ARHGAP25: variants seen among roughly 807,000 people sequenced by gnomAD.
ARHGAP25 encodes the protein Rho GTPase activating protein 25.
A neutral mutation model predicts 71.0 loss-of-function variants in ARHGAP25; 34 were observed. The ratio of observed to expected loss-of-function variants is 0.48; its 90% CI spans 0.36 to 0.64. The LOEUF (loss-of-function observed/expected upper bound fraction) is 0.64. ARHGAP25 is among the 30% of genes least tolerant of loss of function. ARHGAP25 has a pLI of 0.00. For missense variants in ARHGAP25, 706 were observed against 805.1 expected (o/e 0.88, Z 1.49); for synonymous variants, 282 against 296.5 (o/e 0.95, Z 0.50).
chr2:68,760,190 A>G (rs1036231788), intron 1 of ARHGAP25, among the ~76,000 whole-genome samples: 2 of 152,016 alleles, frequency 1.3e-5, no homozygotes, highest in Non-Finnish European at 2.9e-5. Context: ...ATCTACCTCA[A>G]TGTAATAAAA....
chr2:68,711,706 C>T (rs1298871771), intron 2 of ARHGAP25, among the ~76,000 whole-genome samples: 1 of 93,378 alleles, frequency 1.1e-5, no homozygotes, highest in Non-Finnish European at 2.0e-5. Context: ...GTGTGATGTT[C>T]CCCTCCCTGT....
chr2:68,822,948 A>G (rs986188221), intron 10 of ARHGAP25, 76 bp downstream of exon 10: 4 of 1,431,380 alleles, frequency 2.8e-6, no homozygotes, highest in African/African-American at 1.4e-5. Flanking sequence ...CCCATCCGCC[A>G]GAGAAGTCAC....
At chr2:68,768,827 T>A (rs1677293920) in intron 1 of ARHGAP25, among the ~76,000 whole-genome samples, 1 of 152,228 alleles carries the variant, frequency 6.6e-6, no homozygotes, top group Non-Finnish European at 1.5e-5. Context: ...AGAACTGGAC[T>A]CACCTGCCTG....
chr2:68,724,622 G>A (rs71413155), intron 2 of ARHGAP25, among the ~76,000 whole-genome samples: 4,912 of 152,282 alleles, frequency 0.032, 117 homozygotes, highest in East Asian at 0.11. Context: ...ATGGACCTCT[G>A]CCCTAAACAC....
chr2:68,752,884 G>GAGAA (rs1265249124), intron 1 of ARHGAP25, among the ~76,000 whole-genome samples: 4 of 152,190 alleles, frequency 2.6e-5, no homozygotes, highest in African/African-American at 9.6e-5. Flanking sequence ...GAGAGAGAGA[G>GAGAA]AGAAAGAGAG....
intron 2 of ARHGAP25, among the ~76,000 whole-genome samples, chr2:68,711,178 T>G (rs1185970898): frequency 1.3e-5 from 2 of 152,262 alleles, no homozygotes; most frequent in African/African-American, 4.8e-5. Flanking sequence ...TGCATTCAGC[T>G]GCTTTCTCTT....
chr2:68,748,788 C>T (rs546716492), intron 1 of ARHGAP25, among the ~76,000 whole-genome samples: 13 of 152,244 alleles, frequency 8.5e-5, no homozygotes, highest in Admixed American at 2.0e-4. Flanking sequence ...TCCCTGAGGG[C>T]GGTCAGGTCT....
intron 9 of ARHGAP25, among the ~76,000 whole-genome samples, chr2:68,821,935 G>T (rs1681713142): frequency 1.0e-5 from 1 of 95,310 alleles, no homozygotes; most frequent in Non-Finnish European, 2.1e-5. Context: ...TTTTGGTTTG[G>T]CATGTGGTGA....
rs58459683 is a variant in ARHGAP25, at chr2:68,792,484, C to G, written c.466+4528C>G. Among the ~76,000 whole-genome samples the G allele has an allele frequency of 4.8e-3, 734 of 152,268 alleles. 7 individuals are homozygous for G. Among genetic ancestry groups the G allele is most frequent in the African/African-American group, 0.017 (705 of 41,550 alleles). ...TCTGTGTGTACACGTTACTTAGCTC[C>G]CACTTATAAGTCAGAACATGTGATA... is the stretch of plus-strand genomic sequence containing the variant. On this transcript the variant is annotated intron_variant, in intron 4 of 10. Transcript: ENST00000409202.
At chr2:68,736,681 T>C (rs905725382) in intron 1 of ARHGAP25, among the ~76,000 whole-genome samples, 4 of 152,156 alleles carry the variant, frequency 2.6e-5, no homozygotes, top group South Asian at 2.1e-4. Context: ...TGGGATTTGA[T>C]TGAGTGAATT....
chr2:68,777,809 C>A (rs959980902), intron 2 of ARHGAP25, among the ~76,000 whole-genome samples: 3 of 152,088 alleles, frequency 2.0e-5, no homozygotes, highest in African/African-American at 7.2e-5. Flanking sequence ...TGATATGTAT[C>A]ATTTGATTAT....
intron 1 of ARHGAP25, among the ~76,000 whole-genome samples, chr2:68,736,706 A>G (rs552682240): frequency 3.7e-4 from 56 of 152,164 alleles, no homozygotes; most frequent in Non-Finnish European, 6.9e-4. Flanking sequence ...GATTTTTACC[A>G]ATGTTTCTTA....
At chr2:68,820,615 T>G (rs548273181) in intron 9 of ARHGAP25, among the ~76,000 whole-genome samples, 43 of 152,348 alleles carry the variant, frequency 2.8e-4, no homozygotes, top group South Asian at 8.3e-4. Context: ...AGGTCTCATA[T>G]TCTCTCTCCT....
chr2:68,722,553 G>A (rs1215522230), intron 2 of ARHGAP25, among the ~76,000 whole-genome samples: 1 of 150,364 alleles, frequency 6.7e-6, no homozygotes, highest in Non-Finnish European at 1.5e-5. Flanking sequence ...ACTCCAGCTT[G>A]GATGACAGAG....
rs77218940 is a variant in ARHGAP25 at position 68,747,416 on chromosome 2, C to A, written c.61+12156C>A. The stretch of plus-strand genomic sequence containing the variant: ...TCAACATAGTGACAGCAAAGCATTA[C>A]ACCAAGTGCAGGGACCATCTAAGCA... On this transcript the variant is annotated intron_variant, in intron 1 of 10. Coordinates refer to ENST00000409202, the MANE Select transcript of ARHGAP25 (RefSeq NM_001007231.3). 5.1e-3 allele frequency among the ~76,000 whole-genome samples: 775 copies of A among 152,298 alleles called. 9 individuals carry two copies. Among genetic ancestry groups the A allele is most frequent in the African/African-American group, 0.018 (740 of 41,558 alleles).
At chr2:68,814,206 C>G (rs970634766) in intron 6 of ARHGAP25, among the ~76,000 whole-genome samples, 1 of 152,168 alleles carries the variant, frequency 6.6e-6, no homozygotes. Context: ...ATAATGAGAC[C>G]TAGATTTAAC....
chr2:68,768,554 A>G (rs1022830881), intron 1 of ARHGAP25, among the ~76,000 whole-genome samples: 2 of 152,192 alleles, frequency 1.3e-5, no homozygotes, highest in African/African-American at 4.8e-5. Context: ...TCTGTCTTGC[A>G]TCTCAGTTTA....
chr2:68,778,169 A>G (rs898844993), intron 2 of ARHGAP25, among the ~76,000 whole-genome samples: 2 of 152,346 alleles, frequency 1.3e-5, no homozygotes, highest in East Asian at 3.9e-4. Context: ...TATATTAGTG[A>G]TATGACAACA....
chr2:68,753,892 T>A (rs542848056), intron 1 of ARHGAP25, among the ~76,000 whole-genome samples: 6 of 149,578 alleles, frequency 4.0e-5, no homozygotes, highest in Non-Finnish European at 8.9e-5. Context: ...AAATGGTCAT[T>A]CGGTAAGATG....
Sources: gnomAD v4.1 joint callset for allele counts (sites outside exome capture counted in the v4.1 genomes callset) on GRCh38, gnomAD v4.1.1 for gene constraint, MANE v1.5 for transcripts, NCBI Gene and HGNC (gene_info 2026-07-23, HGNC 2026-07-21) for gene names.